Variants in KLHL4 observed in about 807,000 individuals in gnomAD.
KLHL4 encodes kelch like family member 4.
KLHL4 carries 17 observed loss-of-function variants against 45.8 expected under a neutral mutation model. The observed-to-expected ratio is 0.37, with a 90% confidence interval of 0.25 to 0.56. KLHL4 has a LOEUF of 0.56. Among genes scored for constraint, KLHL4 ranks in the 20% least tolerant of loss-of-function variants. The probability of loss-of-function intolerance (pLI) is 0.79; values close to 1 mark genes in which losing one functional copy is unlikely to be tolerated. For missense variants in KLHL4, 544 were observed against 544.9 expected (o/e 1.00, Z 0.02); for synonymous variants, 224 against 189.9 (o/e 1.18, Z -1.47).
In KLHL4 at chrX:87,668,481, G is replaced by T. The variant is rs990605522; in HGVS notation, c.*1947G>T. The T allele has an allele frequency of 3.8e-5, 29 of 753,550 alleles. No homozygotes were observed. The highest frequency in any genetic ancestry group is 4.4e-5 in the Non-Finnish European group (28 of 638,680). The allele number at this position is 753,550 out of a possible 1,213,427, so 62.1% of individuals were successfully genotyped here. On this transcript the variant is annotated 3_prime_UTR_variant, in exon 11 of 11. Transcript: ENST00000373119. ...TTCCCGGGGCTACCCCTTCATAGCT[G>T]CATTTAAAAATGGTGTTCAGGCCAC...
At chrX:87,613,050 G>T (rs1403324544) in intron 1 of KLHL4, among the ~76,000 whole-genome samples, 1 of 111,746 alleles carries the variant, frequency 8.9e-6, no homozygotes, top group Non-Finnish European at 1.9e-5. Context: ...AACAGAGAAA[G>T]TAATATCACC....
chrX:87,581,882 G>A (rs5967857), intron 1 of KLHL4, among the ~76,000 whole-genome samples: 7 of 111,850 alleles, frequency 6.3e-5, no homozygotes, highest in Admixed American at 3.8e-4. Context: ...ACAGAACTAG[G>A]CTTCAGAATG....
intron 1 of KLHL4, among the ~76,000 whole-genome samples, chrX:87,553,600 A>G (rs976341264): frequency 3.8e-4 from 41 of 108,359 alleles, no homozygotes; most frequent in Non-Finnish European, 6.0e-4. Flanking sequence ...TGGTCTCTAC[A>G]GCGGTTAAAA....
chrX:87,657,276 C>A (rs1004471085), intron 9 of KLHL4, among the ~76,000 whole-genome samples: 1 of 112,120 alleles, frequency 8.9e-6, no homozygotes. Flanking sequence ...GCCTGTGGAA[C>A]ACCCAGTGGC....
intron 6 of KLHL4, among the ~76,000 whole-genome samples, chrX:87,626,263 C>T (rs139350374): frequency 4.5e-5 from 5 of 111,227 alleles, no homozygotes; most frequent in East Asian, 2.9e-4. Flanking sequence ...TCCGGAAACG[C>T]GAGACAACTC....
intron 1 of KLHL4, among the ~76,000 whole-genome samples, chrX:87,539,695 C>T (rs961629825): frequency 1.8e-5 from 2 of 110,923 alleles, no homozygotes; most frequent in Non-Finnish European, 3.8e-5. Flanking sequence ...CAATCCTGTA[C>T]TTAATGGCAA....
chrX:87,646,270 C>G (rs753712083), intron 9 of KLHL4, among the ~76,000 whole-genome samples: 14 of 111,559 alleles, frequency 1.3e-4, no homozygotes, highest in African/African-American at 4.5e-4. Context: ...GGAACTACAT[C>G]CCATGCTCAT....
chrX:87,659,699 G>A (rs1347539159), intron 9 of KLHL4, among the ~76,000 whole-genome samples: 1 of 111,204 alleles, frequency 9.0e-6, no homozygotes, highest in Non-Finnish European at 1.9e-5. Context: ...AAGATTATCT[G>A]GAGACTTAAT....
At chrX:87,598,263 G>A (rs1029149074) in intron 1 of KLHL4, among the ~76,000 whole-genome samples, 2 of 110,696 alleles carry the variant, frequency 1.8e-5, no homozygotes, top group African/African-American at 6.5e-5. Context: ...TGTCTTCTCT[G>A]TATGTGGTAT....
intron 1 of KLHL4, among the ~76,000 whole-genome samples, chrX:87,520,487 C>T (rs1191965140): frequency 8.9e-6 from 1 of 112,562 alleles, no homozygotes; most frequent in Non-Finnish European, 1.9e-5. Context: ...GACTAAATTG[C>T]AAACATACAA....
intron 1 of KLHL4, among the ~76,000 whole-genome samples, chrX:87,553,318 A>G (rs1569340043): frequency 9.0e-6 from 1 of 111,032 alleles, no homozygotes; most frequent in Non-Finnish European, 1.9e-5. Context: ...AATGTAATTC[A>G]AATGTTATCA....
At chrX:87,597,292 G>T (rs1172332274) in intron 1 of KLHL4, among the ~76,000 whole-genome samples, 4 of 111,383 alleles carry the variant, frequency 3.6e-5, no homozygotes, top group Admixed American at 9.5e-5. Context: ...ATTTATTCCA[G>T]AACAGAAAGA....
intron 6 of KLHL4, among the ~76,000 whole-genome samples, chrX:87,631,649 C>T (rs1481934297): frequency 9.0e-6 from 1 of 111,684 alleles, no homozygotes; most frequent in Non-Finnish European, 1.9e-5. Flanking sequence ...GTAGCTGGGA[C>T]TACAGGTGCA....
Position 87,666,990 on chromosome X carries a change from G to T in KLHL4, c.*456G>T, listed in dbSNP as rs1399607165. 5 of 705,597 alleles carry T rather than the reference G, an allele frequency of 7.1e-6. No individual in the cohort carries two copies. The highest frequency in any genetic ancestry group is 8.4e-6 in the Non-Finnish European group (5 of 596,585). The allele number at this position is 705,597 out of a possible 1,213,427, so 58.1% of individuals were successfully genotyped here. On this transcript the variant is annotated 3_prime_UTR_variant, in exon 11 of 11. Coordinates refer to ENST00000373119, the MANE Select transcript of KLHL4 (RefSeq NM_019117.5). ...TAACATCTAAAGCTTAGAATAGTGT[G>T]ATTTTTAGTAAGCCATTATTCTCCT...
chrX:87,565,277 C>T (rs188814646), intron 1 of KLHL4, among the ~76,000 whole-genome samples: 2 of 111,576 alleles, frequency 1.8e-5, no homozygotes, highest in East Asian at 5.7e-4. Flanking sequence ...AAAAAGAGCA[C>T]AAATTGTGCA....
chrX:87,612,391 T>C lies in KLHL4; in HGVS notation c.423-1486T>C, dbSNP rs773161533. ...TATTGTGCTATAGTTGCCTACATTG[T>C]ATTCAGTACAGTAACATGCTGTACA... On this transcript the variant is annotated intron_variant, in intron 1 of 10. Coordinates refer to ENST00000373119, the MANE Select transcript of KLHL4 (RefSeq NM_019117.5). Among the ~76,000 whole-genome samples the C allele has an allele frequency of 5.4e-5, 6 of 112,116 alleles. No homozygotes were observed. The East Asian group carries it at 1.7e-3, about 31-fold the overall frequency.
intron 6 of KLHL4, 54 bp downstream of exon 6, chrX:87,625,850 C>G: frequency 1.0e-6 from 1 of 969,286 alleles, no homozygotes; most frequent in African/African-American, 1.9e-5. Context: ...TTAACAGCCT[C>G]CAAATTATAA....
intron 1 of KLHL4, among the ~76,000 whole-genome samples, chrX:87,612,320 C>T (rs1296364282): frequency 1.8e-5 from 2 of 111,695 alleles, no homozygotes; most frequent in African/African-American, 6.5e-5. Context: ...TATATTTTTA[C>T]TGTGCTCTTT....
At position 87,633,799 on chromosome X, in the gene KLHL4, T is replaced by C; in HGVS notation, c.1600T>C (p.Trp534Arg). The part of the protein sequence containing the change: ...PMYAVGGHDG[W>R]SYLNTVERWD... ...GTATGCTGTAGGTGGTCATGATGGA[T>C]GGAGCTATCTAAATACTGTAGAAAG... The change falls in exon 8 of 11, where the codon TGG (tryptophan) becomes CGG (arginine). Residue 534 changes from tryptophan (W) to arginine (R), a missense_variant. By Grantham distance (101) the Trp-to-Arg change is moderately radical (BLOSUM62 -3). Transcript: ENST00000373119. The C allele has an allele frequency of 8.3e-7, 1 of 1,207,152 alleles. No individual in the cohort carries two copies.
Sources: allele counts gnomAD v4.1 joint callset (sites outside exome capture counted in the v4.1 genomes callset), GRCh38; gene constraint gnomAD v4.1.1; transcripts MANE v1.5; gene names NCBI Gene and HGNC (gene_info 2026-07-23, HGNC 2026-07-21).